Variants in PDZRN3 observed in about 807,000 individuals in gnomAD.
PDZRN3 encodes PDZ domain containing ring finger 3, also known as E3 ubiquitin-protein ligase PDZRN3.
In PDZRN3, 38 loss-of-function variants were observed where a neutral mutation model predicts 85.7. That is an observed-to-expected ratio of 0.44 (90% CI 0.34 to 0.58). The LOEUF is 0.58. Ranked by LOEUF, PDZRN3 falls within the 20% of genes least tolerant of loss-of-function variation. PDZRN3 has a pLI of 0.01. For missense variants in PDZRN3, 1,629 were observed against 1,506.4 expected (o/e 1.08, Z -1.35); for synonymous variants, 759 against 638.0 (o/e 1.19, Z -2.86).
At chr3:73,531,367 C>A (rs72891734) in intron 3 of PDZRN3, among the ~76,000 whole-genome samples, 1 of 152,040 alleles carries the variant, frequency 6.6e-6, no homozygotes, top group Non-Finnish European at 1.5e-5. Flanking sequence ...GGCTTCTCCA[C>A]GGTCAGTCAT....
At chr3:73,570,498 A>G (rs1702029979) in intron 3 of PDZRN3, among the ~76,000 whole-genome samples, 1 of 152,324 alleles carries the variant, frequency 6.6e-6, no homozygotes, top group East Asian at 1.9e-4. Context: ...ACATATCCCC[A>G]GATATGTAAT....
At chr3:73,504,160 T>A (rs74429332) in intron 3 of PDZRN3, among the ~76,000 whole-genome samples, 2,290 of 152,308 alleles carry the variant, frequency 0.015, 39 homozygotes, top group African/African-American at 0.049. Context: ...CCACCTGATG[T>A]ACCTCATTCT....
intron 3 of PDZRN3, among the ~76,000 whole-genome samples, chr3:73,507,555 C>T (rs1704089923): frequency 6.6e-6 from 1 of 152,214 alleles, no homozygotes; most frequent in Non-Finnish European, 1.5e-5. Context: ...CAGGTTACTT[C>T]TCACTCTGAG....
Position 73,390,635 on chromosome 3 carries a change from A to ATGTGTGTGTG in PDZRN3, c.1353+373_1353+382dup, listed in dbSNP as rs746695153. On this transcript the variant is annotated intron_variant, in intron 6 of 9. Coordinates refer to ENST00000263666, the MANE Select transcript of PDZRN3 (RefSeq NM_015009.3). ...ATATACTCCACCAAGAGAAAAAAAA[A>ATGTGTGTGTG]TGTGTGTGTGTGTGTGTGTGAGAGA... Among the ~76,000 whole-genome samples the ATGTGTGTGTG allele has an allele frequency of 4.9e-3, 682 of 139,380 alleles. 4 individuals are homozygous for ATGTGTGTGTG. The highest frequency in any genetic ancestry group is 0.013 in the African/African-American group (459 of 36,612). The allele number at this position is 139,380 out of a possible 152,430, so 91.4% of individuals were successfully genotyped here. A position where few individuals can be genotyped will look rare whatever the true frequency, so the allele number is the denominator to read the frequency against.
intron 3 of PDZRN3, 100 bp from the exon 4 acceptor site, chr3:73,404,495 AAAG>A: frequency 7.7e-7 from 1 of 1,305,824 alleles, no homozygotes; most frequent in Non-Finnish European, 1.1e-6. Context: ...CAGCTAAAAG[AAAG>A]AAGCAGGTGG....
chr3:73,453,452 G>T (rs112394331), intron 3 of PDZRN3, among the ~76,000 whole-genome samples: 3,396 of 125,008 alleles, frequency 0.027, 131 homozygotes, highest in African/African-American at 0.094. Flanking sequence ...AAAGAAGAAA[G>T]AATTCGCTGT....
At chr3:73,569,319 G>A (rs1373425771) in intron 3 of PDZRN3, 2 of 1,226,418 alleles carry the variant, frequency 1.6e-6, no homozygotes, top group Non-Finnish European at 2.1e-6. Context: ...ACAGCCTCAG[G>A]TGAACCAGGA....
At chr3:73,600,546 C>G (rs777184508) in intron 3 of PDZRN3, among the ~76,000 whole-genome samples, 1 of 152,118 alleles carries the variant, frequency 6.6e-6, no homozygotes. Context: ...TGTGGTCATC[C>G]TTCTTTCCAT....
intron 3 of PDZRN3, among the ~76,000 whole-genome samples, chr3:73,485,054 CTTT>C (rs555664365): frequency 2.4e-4 from 37 of 152,226 alleles, no homozygotes; most frequent in Admixed American, 1.5e-3. Flanking sequence ...CAAAAACAAG[CTTT>C]TTATTAGTCT....
At chr3:73,501,618 C>G (rs181154260) in intron 3 of PDZRN3, among the ~76,000 whole-genome samples, 1 of 152,144 alleles carries the variant, frequency 6.6e-6, no homozygotes, top group African/African-American at 2.4e-5. Flanking sequence ...GGATGCAACG[C>G]GAGGCTCTCA....
At chr3:73,433,878 C>G (rs1019659295) in intron 3 of PDZRN3, 337 of 1,432,750 alleles carry the variant, frequency 2.4e-4, no homozygotes, top group Non-Finnish European at 2.8e-4. Context: ...TCTCTCCCCC[C>G]TTCCACGCTT....
chr3:73,585,592 CTG>C (rs1702265668), intron 3 of PDZRN3, among the ~76,000 whole-genome samples: 1 of 152,166 alleles, frequency 6.6e-6, no homozygotes, highest in Non-Finnish European at 1.5e-5. Context: ...GAAAGTTCCA[CTG>C]TGTTTTATTG....
chr3:73,563,000 TATATATATATATA>T (rs1284900643), intron 3 of PDZRN3, among the ~76,000 whole-genome samples: 1 of 34,962 alleles, frequency 2.9e-5, no homozygotes, highest in African/African-American at 1.2e-4. Context: ...TATATATATA[TATATATATATATA>T]TTTTTTTTTT....
intron 3 of PDZRN3, among the ~76,000 whole-genome samples, chr3:73,544,025 A>G (rs1241776877): frequency 6.6e-6 from 1 of 152,226 alleles, no homozygotes; most frequent in Non-Finnish European, 1.5e-5. Flanking sequence ...CAGCCTGGCC[A>G]CCATGGTGAA....
chr3:73,387,258 A>G (rs1701416116), intron 8 of PDZRN3, among the ~76,000 whole-genome samples: 1 of 152,102 alleles, frequency 6.6e-6, no homozygotes, highest in Non-Finnish European at 1.5e-5. Flanking sequence ...ACCTAAAGAG[A>G]TCTACTACTG....
chr3:73,528,892 A>ACG (rs902864750), intron 3 of PDZRN3, among the ~76,000 whole-genome samples: 3 of 75,946 alleles, frequency 4.0e-5, no homozygotes, highest in Non-Finnish European at 1.3e-4. Flanking sequence ...GGAAACACAC[A>ACG]CACACACACA....
chr3:73,491,604 T>TTTTTTTTTTTTTTTTTTTTG (rs1559706362), intron 3 of PDZRN3, among the ~76,000 whole-genome samples: 1 of 150,238 alleles, frequency 6.7e-6, no homozygotes, highest in African/African-American at 2.4e-5. Flanking sequence ...TTTTTTTTTT[T>TTTTTTTTTTTTTTTTTTTTG]TAAGAAGCAG....
chr3:73,519,303 G>C (rs1704310396), intron 3 of PDZRN3, among the ~76,000 whole-genome samples: 1 of 152,226 alleles, frequency 6.6e-6, no homozygotes, highest in South Asian at 2.1e-4. Context: ...GCAAGCTGTG[G>C]AACAGGAGGT....
chr3:73,404,182 G>C lies in PDZRN3; in HGVS notation c.1132C>G (p.Pro378Ala), dbSNP rs376230086. 6.2e-7 allele frequency: 1 copy of C among 1,613,754 alleles called. No homozygotes were observed. Among genetic ancestry groups the C allele is most frequent in the African/African-American group, 1.3e-5 (1 of 74,906 alleles). The change falls in exon 4 of 10, where the codon CCA becomes GCA. Residue 378 changes from proline (P) to alanine (A), a missense_variant. By Grantham distance (27) the Pro-to-Ala change is conservative. Transcript: ENST00000263666. ...AAGAGATAGGGATCCAGCACGGGTG[G>C]GCTGGGAGAGGACATCTTAGTGAGG... Reference protein sequence around the residue: ...MALTKMSSPSPPVLDPYLLPE... With the variant: ...MALTKMSSPSAPVLDPYLLPE...
Sources: allele counts gnomAD v4.1 joint callset (sites outside exome capture counted in the v4.1 genomes callset), GRCh38; gene constraint gnomAD v4.1.1; transcripts MANE v1.5; gene names NCBI Gene and HGNC (gene_info 2026-07-23, HGNC 2026-07-21).